The following FLT3 variants were observed in gnomAD, a reference collection of about 807,000 sequenced individuals.
FLT3 encodes fms related receptor tyrosine kinase 3, also known as receptor-type tyrosine-protein kinase FLT3.
FLT3 carries 46 observed loss-of-function variants against 126.6 expected under a neutral mutation model. The observed-to-expected ratio is 0.36, with a 90% CI of 0.29 to 0.46. The LOEUF is 0.46. FLT3 is among the 20% of genes least tolerant of loss of function. The pLI, the probability that FLT3 is intolerant of heterozygous loss-of-function variation, is 1.00. For missense variants in FLT3, 1,069 were observed against 1,190.3 expected (o/e 0.90, Z 1.50); for synonymous variants, 404 against 434.4 (o/e 0.93, Z 0.87).
chr13:28,082,949 G>T (rs977208113), intron 1 of FLT3, among the ~76,000 whole-genome samples: 6 of 151,772 alleles, frequency 4.0e-5, no homozygotes, highest in African/African-American at 1.2e-4. Context: ...TTCATGATCT[G>T]CCCACTTTGG....
At chr13:28,078,772 G>A (rs556183404) in intron 1 of FLT3, among the ~76,000 whole-genome samples, 31 of 149,986 alleles carry the variant, frequency 2.1e-4, no homozygotes, top group African/African-American at 7.7e-4. Context: ...GGAGTACAGT[G>A]GCACCACTTT....
chr13:28,030,903 C>CA (rs1310519939), intron 15 of FLT3, among the ~76,000 whole-genome samples: 1 of 149,474 alleles, frequency 6.7e-6, no homozygotes, highest in Admixed American at 6.7e-5. Flanking sequence ...GACCCTATCT[C>CA]AAAAAAAGAA....
At chr13:28,065,143 T>C (rs531302164) in intron 2 of FLT3, among the ~76,000 whole-genome samples, 1 of 152,318 alleles carries the variant, frequency 6.6e-6, no homozygotes, top group Admixed American at 6.5e-5. Context: ...GAAATATATA[T>C]GTATCTGGTC....
chr13:28,098,131 A>G (rs1879583159), intron 1 of FLT3, among the ~76,000 whole-genome samples: 1 of 152,018 alleles, frequency 6.6e-6, no homozygotes, highest in Non-Finnish European at 1.5e-5. Flanking sequence ...CCTGGCCAAC[A>G]TGGTGAAACC....
intron 4 of FLT3, among the ~76,000 whole-genome samples, chr13:28,053,648 AT>A (rs983505706): frequency 1.3e-5 from 2 of 152,062 alleles, no homozygotes; most frequent in African/African-American, 4.8e-5. Flanking sequence ...TGATTTTTTC[AT>A]TCTTGAGCTT....
intron 3 of FLT3, among the ~76,000 whole-genome samples, 195 bp downstream of exon 3, chr13:28,061,672 G>C (rs1173607227): frequency 6.6e-6 from 1 of 151,946 alleles, no homozygotes; most frequent in Non-Finnish European, 1.5e-5. Context: ...TGGGAGGACT[G>C]GGGTGGGGGG....
At chr13:28,015,998 A>G (rs1344702098) in intron 20 of FLT3, among the ~76,000 whole-genome samples, 1 of 152,188 alleles carries the variant, frequency 6.6e-6, no homozygotes, top group African/African-American at 2.4e-5. Flanking sequence ...ATTAAGGAAT[A>G]GCCAGTCAGT....
At chr13:28,016,460 G>A (rs779699167) in intron 20 of FLT3, among the ~76,000 whole-genome samples, 4 of 151,796 alleles carry the variant, frequency 2.6e-5, no homozygotes, top group Admixed American at 6.6e-5. Flanking sequence ...TCGTAGAGAC[G>A]GGATTTCACC....
intron 1 of FLT3, among the ~76,000 whole-genome samples, chr13:28,078,963 T>A (rs367620715): frequency 9.2e-5 from 14 of 152,288 alleles, no homozygotes; most frequent in African/African-American, 3.4e-4. Context: ...CCCCCCGCCT[T>A]GGCCTCCCAA....
At chr13:28,082,210 G>C (rs1878370922) in intron 1 of FLT3, among the ~76,000 whole-genome samples, 1 of 152,016 alleles carries the variant, frequency 6.6e-6, no homozygotes, top group South Asian at 2.1e-4. Flanking sequence ...GAGTGTAGAG[G>C]CATTATCATA....
intron 23 of FLT3, among the ~76,000 whole-genome samples, chr13:28,012,848 G>A (rs914651793): frequency 2.0e-5 from 3 of 151,864 alleles, no homozygotes; most frequent in Non-Finnish European, 4.4e-5. Flanking sequence ...GAGGTGGGAG[G>A]ATTGCTTGAG....
At chr13:28,064,851 T>C (rs1876877000) in intron 2 of FLT3, among the ~76,000 whole-genome samples, 2 of 152,144 alleles carry the variant, frequency 1.3e-5, no homozygotes, top group Non-Finnish European at 2.9e-5. Flanking sequence ...GCCAGCAATC[T>C]CACTTCTGGG....
At chr13:28,015,110 C>T in intron 22 of FLT3, 47 bp downstream of exon 22, 1 of 1,189,482 alleles carries the variant, frequency 8.4e-7, no homozygotes, top group Non-Finnish European at 1.2e-6. Flanking sequence ...AGTAGACAGA[C>T]TGTACCTTTC....
chr13:28,015,089 A>C lies in FLT3; in HGVS notation c.2753+68T>G, dbSNP rs184067612. ...CTAAGGAGTTTGACTTTTTTTGGTCATGCATTTGGAAGTAGACAGACTGTA... is the reference window on the plus strand; with the variant it reads ...CTAAGGAGTTTGACTTTTTTTGGTCCTGCATTTGGAAGTAGACAGACTGTA... On this transcript the variant is annotated intron_variant, in intron 22 of 23. Coordinates refer to ENST00000241453, the MANE Select transcript of FLT3 (RefSeq NM_004119.3). The C allele has an allele frequency of 9.8e-5, 94 of 959,912 alleles. No individual in the cohort carries two copies. In the Middle Eastern group the frequency reaches 1.4e-3, roughly 14 times the overall value. The allele number at this position is 959,912 out of a possible 1,614,324, so 59.5% of individuals were successfully genotyped here.
At chr13:28,025,801 G>A (rs9554221) in intron 17 of FLT3, among the ~76,000 whole-genome samples, 5,719 of 152,126 alleles carry the variant, frequency 0.038, 230 homozygotes, top group South Asian at 0.18. Flanking sequence ...ACGGTGTGAC[G>A]GGCATGCATA....
chr13:28,091,207 CTTTTTTTTTTTTTTTTTTTT>C (rs572410744), intron 1 of FLT3, among the ~76,000 whole-genome samples: 12 of 36,580 alleles, frequency 3.3e-4, no homozygotes, highest in Non-Finnish European at 5.6e-4. Context: ...GCCCCATTTT[CTTTTTTTTTTTTTTTTTTTT>C]TTTTTTTTTT....
intron 3 of FLT3, among the ~76,000 whole-genome samples, chr13:28,060,686 C>T (rs916100980): frequency 6.6e-6 from 1 of 151,990 alleles, no homozygotes; most frequent in Non-Finnish European, 1.5e-5. Flanking sequence ...GCTCACCGAA[C>T]ATCCCCCTCT....
At position 28,070,603 on chromosome 13, in the gene FLT3, G is replaced by GA; in HGVS notation, c.52dup (p.Ser18PhefsTer24). On this transcript the variant is annotated frameshift_variant, in exon 2 of 24. Coordinates refer to ENST00000241453, the MANE Select transcript of FLT3 (RefSeq NM_004119.3). LOFTEE classifies it high-confidence loss of function. ...TGTAATAGTCCCAAATATCATTGCA[G>GA]AAAAAACAACTGTAAAACAAAATAA... The GA allele has an allele frequency of 6.3e-7, 1 of 1,597,432 alleles. No homozygotes were observed. The highest frequency in any genetic ancestry group is 8.6e-7 in the Non-Finnish European group (1 of 1,167,990).
intron 9 of FLT3, among the ~76,000 whole-genome samples, chr13:28,037,932 AAC>A (rs1873994150): frequency 6.6e-6 from 1 of 152,176 alleles, no homozygotes; most frequent in African/African-American, 2.4e-5. Context: ...TCTGAGATAG[AAC>A]AGTTTCATCC....
Sources: allele counts gnomAD v4.1 joint callset (sites outside exome capture counted in the v4.1 genomes callset), GRCh38; gene constraint gnomAD v4.1.1; transcripts MANE v1.5; gene names NCBI Gene and HGNC (gene_info 2026-07-23, HGNC 2026-07-21).